The following RBBP8 variants were observed in gnomAD, a reference collection of about 807,000 sequenced individuals.
RBBP8 encodes the protein DNA endonuclease RBBP8.
In RBBP8, 88 loss-of-function variants were observed where a neutral mutation model predicts 108.3. That is an observed-to-expected ratio of 0.81 (90% CI 0.68 to 0.97). RBBP8 has a LOEUF of 0.97. Ranked by LOEUF, RBBP8 falls within the 50% of genes least tolerant of loss-of-function variation. RBBP8 has a pLI of 0.00. For missense variants in RBBP8, 1,023 were observed against 1,049.0 expected (o/e 0.98, Z 0.34); for synonymous variants, 332 against 348.2 (o/e 0.95, Z 0.52).
chr18:23,006,252 T>C (rs1252078116), intron 15 of RBBP8, 111 bp from the exon 16 acceptor site: 7 of 928,428 alleles, frequency 7.5e-6, no homozygotes, highest in Non-Finnish European at 1.0e-5. Context: ...GCCTGGAGCA[T>C]GAAACCCAAT....
At chr18:22,958,455 C>G (rs1199976378) in intron 4 of RBBP8, among the ~76,000 whole-genome samples, 1 of 152,148 alleles carries the variant, frequency 6.6e-6, no homozygotes, top group Non-Finnish European at 1.5e-5. Flanking sequence ...TTTCTCACTA[C>G]CCTTTTTCAT....
rs1269383417 is a variant in RBBP8, at chr18:22,936,106, C to A, written c.-98-648C>A. Among the ~76,000 whole-genome samples, 3 of 151,760 alleles carry A rather than the reference C, an allele frequency of 2.0e-5. No individual in the cohort carries two copies. In the East Asian group the frequency reaches 5.8e-4, roughly 29 times the overall value. ...TCACCAATTCAAAAGTTAAAAAAACCAATTTTTTTTTTTAATTGAGACAGG... is the reference window on the plus strand; with the variant it reads ...TCACCAATTCAAAAGTTAAAAAAACAAATTTTTTTTTTTAATTGAGACAGG... On this transcript the variant is annotated intron_variant, in intron 1 of 18. Coordinates refer to ENST00000327155, the MANE Select transcript of RBBP8 (RefSeq NM_002894.3).
At chr18:22,997,379 CCCTTT>C (rs1209403564) in intron 13 of RBBP8, among the ~76,000 whole-genome samples, 1 of 152,154 alleles carries the variant, frequency 6.6e-6, no homozygotes, top group Non-Finnish European at 1.5e-5. Flanking sequence ...AAATAATTCT[CCCTTT>C]CCTTGGCAGC....
At chr18:23,022,617 TA>T (rs1170155685) in intron 18 of RBBP8, among the ~76,000 whole-genome samples, 17 of 91,036 alleles carry the variant, frequency 1.9e-4, no homozygotes, top group South Asian at 1.0e-3. Context: ...TAAAATAAAA[TA>T]AAATAAAATA....
At chr18:22,982,703 G>A (rs371800838) in intron 7 of RBBP8, among the ~76,000 whole-genome samples, 174 of 152,202 alleles carry the variant, frequency 1.1e-3, no homozygotes, top group African/African-American at 3.9e-3. Context: ...GAAGGAAAAA[G>A]GAAAGGAACT....
intron 16 of RBBP8, among the ~76,000 whole-genome samples, chr18:23,012,561 CCTCTAA>C (rs1203027124): frequency 9.3e-6 from 1 of 107,566 alleles, no homozygotes; most frequent in Non-Finnish European, 2.5e-5. Context: ...CCAGAGCAAG[CCTCTAA>C]CTCTATTTAG....
chr18:22,928,335 G>A (rs963280442), upstream of RBBP8, among the ~76,000 whole-genome samples: 25 of 152,150 alleles, frequency 1.6e-4, no homozygotes, highest in African/African-American at 5.8e-4. Context: ...GATATATATT[G>A]AGGGCATGGG....
intron 2 of RBBP8, 25 bp downstream of exon 2, chr18:22,936,985 C>T (rs772981216): frequency 6.2e-7 from 1 of 1,612,746 alleles, no homozygotes; most frequent in African/African-American, 1.3e-5. Flanking sequence ...TAAATACTTA[C>T]AGCAGTATTT....
chr18:22,991,124 G>T, intron 10 of RBBP8, 75 bp downstream of exon 10: 1 of 1,034,824 alleles, frequency 9.7e-7, no homozygotes. Flanking sequence ...ATATAATTAA[G>T]CCATTTCTCT....
chr18:22,956,566 G>A (rs1030247856), intron 4 of RBBP8, among the ~76,000 whole-genome samples: 4 of 152,052 alleles, frequency 2.6e-5, no homozygotes, highest in African/African-American at 9.7e-5. Flanking sequence ...TGAACTCCTG[G>A]CCTCAAGTGA....
At chr18:23,010,661 A>G (rs1345254369) in intron 16 of RBBP8, among the ~76,000 whole-genome samples, 1 of 152,196 alleles carries the variant, frequency 6.6e-6, no homozygotes, top group Non-Finnish European at 1.5e-5. Context: ...TTTTTAGAAA[A>G]TATGTATGAG....
chr18:23,011,395 A>G (rs1445245879), intron 16 of RBBP8, among the ~76,000 whole-genome samples: 3 of 149,266 alleles, frequency 2.0e-5, no homozygotes, highest in Non-Finnish European at 4.4e-5. Context: ...CTTTTTCATT[A>G]TTATATCTGT....
chr18:22,960,866 G>C (rs1913038856), intron 4 of RBBP8, among the ~76,000 whole-genome samples: 9 of 152,148 alleles, frequency 5.9e-5, no homozygotes, highest in Admixed American at 5.9e-4. Flanking sequence ...TAGTATATCA[G>C]AAAGTAAATA....
chr18:22,991,020 A>G lies in RBBP8; in HGVS notation c.891A>G (p.Glu297=), dbSNP rs140403315. The change falls in exon 10 of 19, where the codon GAA becomes GAG. Residue 297 remains glutamate (E), a synonymous_variant. Coordinates refer to ENST00000327155, the MANE Select transcript of RBBP8 (RefSeq NM_002894.3). ...EGNHKKQPFE[E]STRNTEDSLR... is the part of the protein sequence containing the mutation. ...ATCACAAGAAACAGCCTTTTGAGGA[A>G]TCTACAAGAAATACTGAAGATAGTT... 1,329 of 1,613,122 alleles carry G rather than the reference A, an allele frequency of 8.2e-4. 1 individual carries two copies. Among genetic ancestry groups the G allele is most frequent in the Non-Finnish European group, 9.9e-4 (1,168 of 1,179,212 alleles).
chr18:22,970,722 G>C lies in RBBP8; in HGVS notation c.361+1804G>C, dbSNP rs568303105. On this transcript the variant is annotated intron_variant, in intron 5 of 18. Coordinates refer to ENST00000327155, the MANE Select transcript of RBBP8 (RefSeq NM_002894.3). The stretch of plus-strand genomic sequence containing the variant: ...TGCCCAGTCTTAAATTGCCCTATTT[G>C]CTGTTTGTATCTTTTAATTTAGTGA... Among the ~76,000 whole-genome samples, 3 of 152,116 alleles carry C rather than the reference G, an allele frequency of 2.0e-5. No homozygotes were observed. In the East Asian group the frequency reaches 5.8e-4, roughly 29 times the overall value.
upstream of RBBP8, among the ~76,000 whole-genome samples, chr18:22,932,706 T>A (rs996112905): frequency 9.9e-5 from 15 of 152,200 alleles, no homozygotes; most frequent in African/African-American, 3.6e-4. Flanking sequence ...TCAGGAGAAA[T>A]AGGAATACCT....
chr18:22,951,183 C>G (rs765738796), intron 4 of RBBP8, among the ~76,000 whole-genome samples: 9 of 152,142 alleles, frequency 5.9e-5, no homozygotes, highest in African/African-American at 2.2e-4. Flanking sequence ...ATATTTGAGT[C>G]CTTGCTGTCT....
chr18:23,005,794 C>T (rs2046032588), intron 15 of RBBP8, among the ~76,000 whole-genome samples: 1 of 152,128 alleles, frequency 6.6e-6, no homozygotes, highest in South Asian at 2.1e-4. Flanking sequence ...CTTTTATACT[C>T]TAAAATACTT....
chr18:22,945,480 C>T (rs1476128989), intron 2 of RBBP8, among the ~76,000 whole-genome samples: 3 of 152,002 alleles, frequency 2.0e-5, no homozygotes, highest in Non-Finnish European at 4.4e-5. Flanking sequence ...CTCTGCCTCC[C>T]GGGTTCAAGC....
Sources: gnomAD v4.1 joint callset for allele counts (sites outside exome capture counted in the v4.1 genomes callset) on GRCh38, gnomAD v4.1.1 for gene constraint, MANE v1.5 for transcripts, NCBI Gene and HGNC (gene_info 2026-07-23, HGNC 2026-07-21) for gene names.